The following ECE1 variants were observed in gnomAD, a reference collection of about 807,000 sequenced individuals.
The protein encoded by ECE1 is endothelin-converting enzyme 1.
Under a neutral mutation model 98.6 loss-of-function variants are expected in ECE1, and 35 were observed. The observed-to-expected ratio is 0.35, with a 90% CI of 0.27 to 0.47. ECE1 has a LOEUF of 0.47. Among genes scored for constraint, ECE1 ranks in the 20% least tolerant of loss-of-function variants. The pLI is 1.00. For synonymous variants in ECE1, 394 were observed against 407.1 expected (o/e 0.97, Z 0.39); for missense variants, 814 against 1,025.3 (o/e 0.79, Z 2.81).
chr1:21,273,495 C>T (rs1569601126), intron 3 of ECE1, among the ~76,000 whole-genome samples: 1 of 152,196 alleles, frequency 6.6e-6, no homozygotes, highest in Non-Finnish European at 1.5e-5. Context: ...AATGTCTGTC[C>T]TCCTTTCTAC....
chr1:21,254,720 AG>A lies in ECE1; in HGVS notation c.1020+1226del, dbSNP rs150751966. 4.1e-3 allele frequency among the ~76,000 whole-genome samples: 599 copies of A among 147,740 alleles called. 2 individuals carry two copies. Among genetic ancestry groups the A allele is most frequent in the Non-Finnish European group, 6.9e-3 (463 of 66,642 alleles). ...ACCCTCAGCCTCCTGGCCTCAGAGC[AG>A]GAAAAGAGTGCCAGATGGTATCTAA... On this transcript the variant is annotated intron_variant, in intron 8 of 18. Coordinates refer to ENST00000374893, the MANE Select transcript of ECE1 (RefSeq NM_001397.3).
At chr1:21,335,334 T>TGGTG (rs1639286506) in intron 1 of ECE1, among the ~76,000 whole-genome samples, 1 of 152,204 alleles carries the variant, frequency 6.6e-6, no homozygotes, top group South Asian at 2.1e-4. Context: ...GCGATCCTTC[T>TGGTG]GGTGGGTGGC....
chr1:21,342,407 C>T (rs3026810), intron 1 of ECE1, among the ~76,000 whole-genome samples: 15,283 of 152,102 alleles, frequency 0.1, 2,534 homozygotes, highest in African/African-American at 0.34. Flanking sequence ...AGGCAGGAGA[C>T]ATAAAAAGCC....
chr1:21,285,377 T>A (rs1407864031), intron 2 of ECE1, among the ~76,000 whole-genome samples: 1 of 152,126 alleles, frequency 6.6e-6, no homozygotes, highest in Non-Finnish European at 1.5e-5. Context: ...CTCCCATCTC[T>A]AAAATGAGGA....
At chr1:21,295,282 C>T (rs1030229897), upstream of ECE1, among the ~76,000 whole-genome samples, 5 of 152,102 alleles carry the variant, frequency 3.3e-5, no homozygotes, top group African/African-American at 7.2e-5. Flanking sequence ...AGACCCAGGC[C>T]GGAGGATTGT....
intron 1 of ECE1, among the ~76,000 whole-genome samples, chr1:21,300,081 C>G (rs990340669): frequency 2.0e-5 from 3 of 152,246 alleles, no homozygotes; most frequent in Admixed American, 1.3e-4. Flanking sequence ...ACTGGTGGCT[C>G]TAAGCTGAGA....
chr1:21,254,333 T>A (rs1450128998), intron 8 of ECE1, among the ~76,000 whole-genome samples: 1 of 152,178 alleles, frequency 6.6e-6, no homozygotes, highest in Non-Finnish European at 1.5e-5. Flanking sequence ...CTCATGCTTA[T>A]AATCCCAGCA....
At chr1:21,264,562 G>A (rs1445465793) in intron 4 of ECE1, among the ~76,000 whole-genome samples, 2 of 152,130 alleles carry the variant, frequency 1.3e-5, no homozygotes, top group African/African-American at 4.8e-5. Context: ...TGGTCTGCCT[G>A]TCTCGGCCTC....
chr1:21,292,176 A>T (rs535363963), upstream of ECE1, among the ~76,000 whole-genome samples: 14 of 152,032 alleles, frequency 9.2e-5, no homozygotes, highest in South Asian at 1.0e-3. Context: ...TAAAATAAAA[A>T]AAAATTCTGA....
intron 1 of ECE1, among the ~76,000 whole-genome samples, chr1:21,304,007 T>C (rs79288006): frequency 6.8e-6 from 1 of 146,008 alleles, no homozygotes; most frequent in Non-Finnish European, 1.5e-5. Flanking sequence ...AAATGAATAG[T>C]TTCCATTTTC....
At chr1:21,251,402 C>T (rs1172113355) in intron 8 of ECE1, among the ~76,000 whole-genome samples, 15 of 152,094 alleles carry the variant, frequency 9.9e-5, no homozygotes, top group Non-Finnish European at 1.0e-4. Context: ...GTAATCCCAG[C>T]TACTTGGGAG....
chr1:21,243,613 G>A (rs1330271063), intron 10 of ECE1, among the ~76,000 whole-genome samples: 1 of 152,142 alleles, frequency 6.6e-6, no homozygotes, highest in Non-Finnish European at 1.5e-5. Flanking sequence ...GAGAATATGT[G>A]GGTGTATGTT....
At chr1:21,265,851 T>C (rs2098233208) in intron 4 of ECE1, among the ~76,000 whole-genome samples, 1 of 152,152 alleles carries the variant, frequency 6.6e-6, no homozygotes, top group Non-Finnish European at 1.5e-5. Context: ...CCTGGCACTA[T>C]GCTGGGGACA....
rs765200448 is a variant in ECE1 at position 21,272,889 on chromosome 1, G to A, written c.303C>T (p.Ser101=). 8.7e-6 allele frequency: 14 copies of A among 1,614,054 alleles called. No homozygotes were observed. Among genetic ancestry groups the A allele is most frequent in the East Asian group, 6.7e-5 (3 of 44,898 alleles). The change falls in exon 4 of 19, where the codon AGC becomes AGT. Residue 101 remains serine, a synonymous_variant. Coordinates refer to ENST00000374893, the MANE Select transcript of ECE1 (RefSeq NM_001397.3). ...AGCTGGTCACTGAGACACAAGCTTC[G>A]CTCAGGCACACAGAGGGGGATCCTG... ...YQTRSPSVCL[S]EACVSVTSSI... is the part of the protein sequence containing the mutation.
intron 17 of ECE1, 96 bp from the exon 18 acceptor site, chr1:21,221,938 G>T: frequency 9.2e-7 from 1 of 1,082,700 alleles, no homozygotes; most frequent in Non-Finnish European, 1.4e-6. Context: ...CCGTGTTGGG[G>T]CAAGGACTAG....
intron 1 of ECE1, among the ~76,000 whole-genome samples, chr1:21,310,562 G>A (rs58539892): frequency 6.6e-6 from 1 of 152,176 alleles, no homozygotes; most frequent in Non-Finnish European, 1.5e-5. Context: ...GCTGTTAGCA[G>A]AAGAAAGGCA....
chr1:21,321,718 C>T (rs61781569), intron 1 of ECE1, among the ~76,000 whole-genome samples: 12,228 of 152,210 alleles, frequency 0.08, 584 homozygotes, highest in Non-Finnish European at 0.11. Flanking sequence ...CGGGTTCAAG[C>T]GATTCTCCTG....
At chr1:21,292,137 CACA>C (rs1476462838), upstream of ECE1, among the ~76,000 whole-genome samples, 11 of 152,062 alleles carry the variant, frequency 7.2e-5, no homozygotes, top group East Asian at 1.4e-3. Flanking sequence ...GCGTGGACGA[CACA>C]ACAAGATCTT....
At chr1:21,302,171 C>G (rs1387431852) in intron 1 of ECE1, among the ~76,000 whole-genome samples, 1 of 152,226 alleles carries the variant, frequency 6.6e-6, no homozygotes, top group African/African-American at 2.4e-5. Context: ...CCCAAAGGAA[C>G]CAGCAGCTTA....
Sources: allele counts gnomAD v4.1 joint callset (sites outside exome capture counted in the v4.1 genomes callset), GRCh38; gene constraint gnomAD v4.1.1; transcripts MANE v1.5; gene names NCBI Gene and HGNC (gene_info 2026-07-23, HGNC 2026-07-21).